STX7: variants seen among roughly 807,000 people sequenced by gnomAD.
The protein encoded by STX7 is syntaxin-7.
A neutral mutation model predicts 39.6 loss-of-function variants in STX7; 34 were observed. That is an observed-to-expected ratio of 0.86 (90% CI 0.65 to 1.14). The LOEUF (loss-of-function observed/expected upper bound fraction) is 1.14, where lower values mean the gene tolerates loss of function less well. Ranked by LOEUF, STX7 falls within the 50% of genes most tolerant of loss-of-function variation. The pLI is 0.00. For synonymous variants in STX7, 119 were observed against 99.1 expected (o/e 1.20, Z -1.19); for missense variants, 284 against 310.4 (o/e 0.92, Z 0.64).
intron 2 of STX7, among the ~76,000 whole-genome samples, chr6:132,495,977 T>C (rs1216719693): frequency 6.6e-6 from 1 of 152,180 alleles, no homozygotes; most frequent in African/African-American, 2.4e-5. Context: ...GTAGGAGAGA[T>C]GATTAAAAAT....
chr6:132,451,799 C>T lies in STX7; in HGVS notation c.*8959G>A, dbSNP rs1251214155. On this transcript the variant is annotated 3_prime_UTR_variant, in exon 10 of 10. Coordinates refer to ENST00000367941, the MANE Select transcript of STX7 (RefSeq NM_003569.3). ...AATTACAATAAAAAGAACTCCCTCC[C>T]CCAAAATCTCCAGGCCCAGATGATT... 1 of 152,020 alleles carries T rather than the reference C, an allele frequency of 6.6e-6. No individual in the cohort carries two copies. Among genetic ancestry groups the T allele is most frequent in the African/African-American group, 2.4e-5 (1 of 41,398 alleles). 9.4% of individuals were successfully genotyped at this position (152,020 alleles called of 1,614,324 possible). A position where few individuals can be genotyped will look rare whatever the true frequency, so the allele number is the denominator to read the frequency against.
At chr6:132,499,596 A>G (rs1222577635) in intron 2 of STX7, among the ~76,000 whole-genome samples, 39 of 152,172 alleles carry the variant, frequency 2.6e-4, no homozygotes, top group Admixed American at 2.6e-3. Context: ...TTCTTGAAAC[A>G]TTCTTTAATT....
chr6:132,510,133 A>G (rs1379154907), intron 1 of STX7, among the ~76,000 whole-genome samples: 1 of 152,226 alleles, frequency 6.6e-6, no homozygotes, highest in Non-Finnish European at 1.5e-5. Context: ...AAATACAGCT[A>G]GGTAGGAGGA....
At chr6:132,467,522 T>C (rs1774593949) in intron 8 of STX7, among the ~76,000 whole-genome samples, 1 of 152,154 alleles carries the variant, frequency 6.6e-6, no homozygotes, top group Non-Finnish European at 1.5e-5. Context: ...ATAAGATCAA[T>C]TGAGATAGGG....
rs1263265535 is a variant in STX7 at position 132,446,125 on chromosome 6, CCT to C, written c.*14631_*14632del. 6.6e-6 allele frequency: 1 copy of C among 152,198 alleles called. No homozygotes were observed. The highest frequency in any genetic ancestry group is 1.5e-5 in the Non-Finnish European group (1 of 68,024). 9.4% of individuals were successfully genotyped at this position (152,198 alleles called of 1,614,324 possible). ...GAACATGCAGTTTCCCAAACAGTAA[CCT>C]CTCTTTACAAGGTTATGCTTATTAG... On this transcript the variant is annotated 3_prime_UTR_variant, in exon 10 of 10. Coordinates refer to ENST00000367941, the MANE Select transcript of STX7 (RefSeq NM_003569.3).
intron 3 of STX7, among the ~76,000 whole-genome samples, chr6:132,474,835 T>G (rs958918201): frequency 6.6e-6 from 1 of 152,206 alleles, no homozygotes; most frequent in African/African-American, 2.4e-5. Flanking sequence ...TACTGGAATA[T>G]GTACTATATA....
chr6:132,509,911 T>C (rs1249860839), intron 1 of STX7, among the ~76,000 whole-genome samples: 1 of 152,232 alleles, frequency 6.6e-6, no homozygotes, highest in Non-Finnish European at 1.5e-5. Context: ...AGCCCAGAGC[T>C]GCTACGCACT....
At chr6:132,461,260 C>T (rs915539794) in intron 9 of STX7, among the ~76,000 whole-genome samples, 4 of 151,958 alleles carry the variant, frequency 2.6e-5, no homozygotes, top group Non-Finnish European at 5.9e-5. Context: ...AATGAGTTCT[C>T]TGAAGATATC....
At chr6:132,492,345 T>G (rs1775312118) in intron 2 of STX7, among the ~76,000 whole-genome samples, 1 of 152,260 alleles carries the variant, frequency 6.6e-6, no homozygotes, top group South Asian at 2.1e-4. Context: ...CATGCCGGTA[T>G]GTTTTTGTCA....
intron 2 of STX7, among the ~76,000 whole-genome samples, chr6:132,498,951 A>T (rs34767604): frequency 5.3e-5 from 8 of 152,104 alleles, no homozygotes; most frequent in Middle Eastern, 3.2e-3. Flanking sequence ...TACTCAACAC[A>T]TTTGCTAAAC....
At chr6:132,495,394 G>A (rs1775398964) in intron 2 of STX7, among the ~76,000 whole-genome samples, 1 of 151,972 alleles carries the variant, frequency 6.6e-6, no homozygotes, top group African/African-American at 2.4e-5. Context: ...CTCTAAGTGG[G>A]GGAAAAAACC....
At position 132,451,593 on chromosome 6, in the gene STX7, G is replaced by A. The variant is rs1424541468; in HGVS notation, c.*9165C>T. On this transcript the variant is annotated 3_prime_UTR_variant, in exon 10 of 10. Coordinates refer to ENST00000367941, the MANE Select transcript of STX7 (RefSeq NM_003569.3). ...GGAGTGCTCTAAACAGAAAGGAAAT[G>A]ATAAATGAAGGAGTTTTGGAATATC... 1 of 152,108 alleles carries A rather than the reference G, an allele frequency of 6.6e-6. No homozygotes were observed. The highest frequency in any genetic ancestry group is 2.4e-5 in the African/African-American group (1 of 41,438). The allele number at this position is 152,108 out of a possible 1,614,324, so 9.4% of individuals were successfully genotyped here. A position where few individuals can be genotyped will look rare whatever the true frequency, so the allele number is the denominator to read the frequency against.
In STX7 at chr6:132,451,481, T is replaced by C. The variant is rs2114319574; in HGVS notation, c.*9277A>G. ...GTCTAATGTAAATATTCTTCAGATA[T>C]CAAGGGAAAATCAAGACATTTTCAG... On this transcript the variant is annotated 3_prime_UTR_variant, in exon 10 of 10. Coordinates refer to ENST00000367941, the MANE Select transcript of STX7 (RefSeq NM_003569.3). 1 of 152,264 alleles carries C rather than the reference T, an allele frequency of 6.6e-6. No individual in the cohort carries two copies. The highest frequency in any genetic ancestry group is 2.1e-4 in the South Asian group (1 of 4,816). The allele number at this position is 152,264 out of a possible 1,614,324, so 9.4% of individuals were successfully genotyped here.
intron 2 of STX7, among the ~76,000 whole-genome samples, chr6:132,478,858 C>T (rs1440214237): frequency 6.6e-6 from 1 of 152,180 alleles, no homozygotes; most frequent in Non-Finnish European, 1.5e-5. Flanking sequence ...CATCAGCGAG[C>T]CTTCACAGGC....
rs1774029731 is a variant in STX7, at chr6:132,447,147, T to A, written c.*13611A>T. The A allele has an allele frequency of 6.6e-6, 1 of 152,216 alleles. No individual in the cohort carries two copies. Among genetic ancestry groups the A allele is most frequent in the Non-Finnish European group, 1.5e-5 (1 of 68,046 alleles). The allele number at this position is 152,216 out of a possible 1,614,324, so 9.4% of individuals were successfully genotyped here. ...CTAATAAGTTTTTGTGCGTGTAACATTTGACACCAGGCTTTTAAGTAAAAC... is the reference window on the plus strand; with the variant it reads ...CTAATAAGTTTTTGTGCGTGTAACAATTGACACCAGGCTTTTAAGTAAAAC... On this transcript the variant is annotated 3_prime_UTR_variant, in exon 10 of 10. Coordinates refer to ENST00000367941, the MANE Select transcript of STX7 (RefSeq NM_003569.3).
chr6:132,487,009 A>G (rs931465564), intron 2 of STX7, among the ~76,000 whole-genome samples: 3 of 152,176 alleles, frequency 2.0e-5, no homozygotes, highest in Non-Finnish European at 4.4e-5. Context: ...TGGTTTCAAT[A>G]TAAGGATTAT....
chr6:132,511,447 A>T (rs180858300), intron 1 of STX7, among the ~76,000 whole-genome samples: 1 of 152,286 alleles, frequency 6.6e-6, no homozygotes, highest in African/African-American at 2.4e-5. Context: ...TTGTCAATCT[A>T]ACTTACTGCT....
intron 1 of STX7, among the ~76,000 whole-genome samples, chr6:132,507,621 G>T (rs1775738728): frequency 6.6e-6 from 1 of 152,150 alleles, no homozygotes; most frequent in South Asian, 2.1e-4. Flanking sequence ...CATCTGTGCT[G>T]TATCATATAT....
chr6:132,460,060 T>G lies in STX7; in HGVS notation c.*698A>C, dbSNP rs1345517992. 6.6e-6 allele frequency: 1 copy of G among 152,194 alleles called. No individual in the cohort carries two copies. The highest frequency in any genetic ancestry group is 1.5e-5 in the Non-Finnish European group (1 of 68,018). 9.4% of individuals were successfully genotyped at this position (152,194 alleles called of 1,614,324 possible). ...AATTATGTTAAACATTTTTAGTAAC[T>G]ACACTTTCCCCCGTAAACATCAGAC... On this transcript the variant is annotated 3_prime_UTR_variant, in exon 10 of 10. Coordinates refer to ENST00000367941, the MANE Select transcript of STX7 (RefSeq NM_003569.3).
Sources: allele counts gnomAD v4.1 joint callset (sites outside exome capture counted in the v4.1 genomes callset), GRCh38; gene constraint gnomAD v4.1.1; transcripts MANE v1.5; gene names NCBI Gene and HGNC (gene_info 2026-07-23, HGNC 2026-07-21).